The following MYO3B variants were observed in gnomAD, a reference collection of about 807,000 sequenced individuals.
MYO3B encodes myosin-IIIb.
MYO3B carries 156 observed loss-of-function variants against 174.6 expected under a neutral mutation model. That is an observed-to-expected ratio of 0.89 (90% CI 0.78 to 1.02). MYO3B has a LOEUF of 1.02. Among genes scored for constraint, MYO3B ranks in the 50% least tolerant of loss-of-function variants. The pLI is 0.00. For synonymous variants in MYO3B, 563 were observed against 569.1 expected (o/e 0.99, Z 0.15); for missense variants, 1,632 against 1,639.4 (o/e 1.00, Z 0.08).
chr2:170,517,412 C>A (rs1385039897), intron 29 of MYO3B, among the ~76,000 whole-genome samples: 2 of 152,144 alleles, frequency 1.3e-5, no homozygotes, highest in Non-Finnish European at 2.9e-5. Context: ...GACATGGCAC[C>A]TTCATAAGGA....
intron 22 of MYO3B, among the ~76,000 whole-genome samples, chr2:170,435,982 G>A (rs565797601): frequency 5.3e-5 from 8 of 152,306 alleles, no homozygotes; most frequent in African/African-American, 1.2e-4. Context: ...TGAAGCAGGC[G>A]GAAAATTGCC....
intron 32 of MYO3B, among the ~76,000 whole-genome samples, chr2:170,632,737 CA>C (rs1697118606): frequency 6.6e-6 from 1 of 151,742 alleles, no homozygotes; most frequent in African/African-American, 2.4e-5. Context: ...AGACTGCTAG[CA>C]AGACTAATAA....
chr2:170,313,871 C>A (rs532486591), intron 7 of MYO3B, among the ~76,000 whole-genome samples: 144 of 152,300 alleles, frequency 9.5e-4, no homozygotes, highest in African/African-American at 3.3e-3. Flanking sequence ...CACAGACACA[C>A]ACACACAGCT....
At position 170,260,356 on chromosome 2, in the gene MYO3B, T is replaced by A. The variant is rs1468250141; in HGVS notation, c.749+24220T>A. On this transcript the variant is annotated intron_variant, in intron 7 of 34. Coordinates refer to ENST00000408978, the MANE Select transcript of MYO3B (RefSeq NM_138995.5). ...AAGAAAATGTGGTACATATATATCA[T>A]GGAATACTATGCAGCCATAAAAAGG... is the stretch of plus-strand genomic sequence containing the variant. Among the ~76,000 whole-genome samples the A allele has an allele frequency of 3.2e-4, 49 of 152,220 alleles. 1 individual carries two copies. Among genetic ancestry groups the A allele is most frequent in the Admixed American group, 3.2e-3 (49 of 15,292 alleles).
chr2:170,410,917 G>A (rs906389385), intron 22 of MYO3B, among the ~76,000 whole-genome samples: 4 of 151,984 alleles, frequency 2.6e-5, no homozygotes, highest in Admixed American at 2.6e-4. Flanking sequence ...ATGTGGTAGC[G>A]CATGGCTAGA....
intron 16 of MYO3B, 96 bp from the exon 17 acceptor site, chr2:170,400,092 C>T (rs1283441871): frequency 1.3e-6 from 2 of 1,517,234 alleles, no homozygotes; most frequent in African/African-American, 1.4e-5. Context: ...GGAGAATGGA[C>T]TTTGGTAGAC....
At chr2:170,382,905 G>A in intron 10 of MYO3B, 168 bp from the exon 11 acceptor site, 1 of 514,448 alleles carries the variant, frequency 1.9e-6, no homozygotes, top group Non-Finnish European at 3.5e-6. Flanking sequence ...GCAAATATTG[G>A]CATTGTTTTA....
At chr2:170,238,773 G>A (rs1324134569) in intron 7 of MYO3B, among the ~76,000 whole-genome samples, 1 of 151,938 alleles carries the variant, frequency 6.6e-6, no homozygotes, top group Non-Finnish European at 1.5e-5. Flanking sequence ...TAATTAGGAA[G>A]GTTCCCTGGG....
At chr2:170,598,896 T>A (rs562774384) in intron 32 of MYO3B, among the ~76,000 whole-genome samples, 15 of 152,296 alleles carry the variant, frequency 9.8e-5, no homozygotes, top group Non-Finnish European at 2.1e-4. Context: ...GCTATAAAAC[T>A]ATAGTTAACC....
chr2:170,382,443 G>C, intron 10 of MYO3B: 1 of 187,140 alleles, frequency 5.3e-6, no homozygotes, highest in Non-Finnish European at 1.1e-5. Flanking sequence ...TTAAGAAGTT[G>C]TTTGTTCTTC....
rs182210671 is a variant in MYO3B at position 170,454,759 on chromosome 2, G to A, written c.2731-8609G>A. ...ATCAAGACAGGGAAATTGCACTAGAGAAAGAGTAATTCACATAGAGCCAGC... is the reference window on the plus strand; with the variant it reads ...ATCAAGACAGGGAAATTGCACTAGAAAAAGAGTAATTCACATAGAGCCAGC... On this transcript the variant is annotated intron_variant, in intron 23 of 34. Transcript: ENST00000408978. 1.2e-4 allele frequency among the ~76,000 whole-genome samples: 18 copies of A among 152,338 alleles called. 2 individuals are homozygous for A. In the East Asian group the frequency reaches 3.1e-3, roughly 26 times the overall value.
At chr2:170,258,002 C>A (rs1263054369) in intron 7 of MYO3B, among the ~76,000 whole-genome samples, 3 of 152,154 alleles carry the variant, frequency 2.0e-5, no homozygotes, top group South Asian at 2.1e-4. Flanking sequence ...TACAACCTCC[C>A]AAAATTGAAT....
intron 1 of MYO3B, among the ~76,000 whole-genome samples, chr2:170,191,052 C>G (rs1385051144): frequency 2.0e-5 from 3 of 151,868 alleles, no homozygotes; most frequent in Admixed American, 6.6e-5. Context: ...CTCTTATTAG[C>G]AAGTGATGAA....
At chr2:170,588,584 G>T (rs1035868329) in intron 32 of MYO3B, among the ~76,000 whole-genome samples, 4 of 152,166 alleles carry the variant, frequency 2.6e-5, no homozygotes, top group Non-Finnish European at 5.9e-5. Flanking sequence ...CCAAGATTTT[G>T]CATATTGTTG....
chr2:170,264,920 G>A (rs1297758863), intron 7 of MYO3B, among the ~76,000 whole-genome samples: 1 of 152,196 alleles, frequency 6.6e-6, no homozygotes, highest in Non-Finnish European at 1.5e-5. Flanking sequence ...CAGTGAAAAG[G>A]GAAATCCTGC....
chr2:170,292,846 G>A (rs2093604991), intron 7 of MYO3B, among the ~76,000 whole-genome samples: 1 of 152,176 alleles, frequency 6.6e-6, no homozygotes, highest in South Asian at 2.1e-4. Context: ...GAATGAGTAT[G>A]GTAGTCCTGC....
At chr2:170,182,942 T>A (rs1324668690) in intron 1 of MYO3B, among the ~76,000 whole-genome samples, 1 of 151,900 alleles carries the variant, frequency 6.6e-6, no homozygotes, top group African/African-American at 2.4e-5. Context: ...AAGTTTAATA[T>A]CATTTTGTCA....
At chr2:170,367,000 T>C (rs568292543) in intron 8 of MYO3B, among the ~76,000 whole-genome samples, 2 of 145,486 alleles carry the variant, frequency 1.4e-5, no homozygotes, top group East Asian at 2.0e-4. Context: ...AACACTGCCC[T>C]GAGGTACCTA....
chr2:170,476,190 C>T (rs997256691), intron 25 of MYO3B, among the ~76,000 whole-genome samples: 2 of 152,190 alleles, frequency 1.3e-5, no homozygotes, highest in Non-Finnish European at 1.5e-5. Flanking sequence ...CTGGGACAAG[C>T]GCTGTGGGTT....
Sources: gnomAD v4.1 joint callset for allele counts (sites outside exome capture counted in the v4.1 genomes callset) on GRCh38, gnomAD v4.1.1 for gene constraint, MANE v1.5 for transcripts, NCBI Gene and HGNC (gene_info 2026-07-23, HGNC 2026-07-21) for gene names.